Variants in TLN1 observed in about 807,000 individuals in gnomAD.
TLN1 encodes talin 1, also known as talin-1.
In TLN1, 56 loss-of-function variants were observed where a neutral mutation model predicts 292.3. The observed-to-expected ratio is 0.19, with a 90% CI of 0.15 to 0.24. The LOEUF (loss-of-function observed/expected upper bound fraction) is 0.24. TLN1 is among the 10% of genes least tolerant of loss of function. The pLI, the probability that TLN1 is intolerant of heterozygous loss-of-function variation, is 1.00. For synonymous variants in TLN1, 1,119 were observed against 1,253.7 expected (o/e 0.89, Z 2.27); for missense variants, 2,433 against 3,248.2 (o/e 0.75, Z 6.10).
Position 35,714,593 on chromosome 9 carries a change from G to T in TLN1, c.2966C>A (p.Ala989Asp). 1 of 1,611,650 alleles carries T rather than the reference G, an allele frequency of 6.2e-7. No homozygotes were observed. The change falls in exon 23 of 57, where the codon GCC (alanine) becomes GAC (aspartate). Residue 989 changes from alanine (A) to aspartate (D), a missense_variant. Ala to Asp is a moderately radical substitution (Grantham distance 126). Transcript: ENST00000314888. This position sits in a 1 kb window ranked among gnomAD's most constrained non-coding sequence, Gnocchi z 4.6. ...CCTTGCCTGCAGGAAGCTCTGGCTG[G>T]CAGCAATGAGGGCAAGCTGAGCGCT... is the stretch of plus-strand genomic sequence containing the variant. ...SPSAQLALIA[A>D]SQSFLQPGGK... is the part of the protein sequence containing the mutation.
chr9:35,722,774 G>A (rs577540875), intron 8 of TLN1, 87 bp downstream of exon 8: 2 of 1,376,026 alleles, frequency 1.5e-6, no homozygotes, highest in African/African-American at 1.4e-5. Context: ...AGGGGAGACG[G>A]GGAGGAGGCA....
At chr9:35,708,697 T>C (rs930032597) in intron 33 of TLN1, among the ~76,000 whole-genome samples, 22 of 152,216 alleles carry the variant, frequency 1.4e-4, no homozygotes, top group African/African-American at 5.1e-4. Flanking sequence ...ATTCAAGCAT[T>C]TCAGAAGATT....
chr9:35,700,331 C>A lies in TLN1; in HGVS notation c.6520G>T (p.Asp2174Tyr). The change falls in exon 49 of 57, where the codon GAC becomes TAC. Residue 2174 changes from aspartate to tyrosine, a missense_variant. Coordinates refer to ENST00000314888, the MANE Select transcript of TLN1 (RefSeq NM_006289.4). ...ATACCCTTGGTCATTCGGATGAAGT[C>A]TTCTGGGGTAGAGGTCTTGGCAGGT... is the stretch of plus-strand genomic sequence containing the variant. Reference protein sequence around the residue: ...EPPAKTSTPEDFIRMTKGITM... With the variant: ...EPPAKTSTPEYFIRMTKGITM... 2 of 1,610,534 alleles carry A rather than the reference C, an allele frequency of 1.2e-6. No homozygotes were observed. The highest frequency in any genetic ancestry group is 8.5e-7 in the Non-Finnish European group (1 of 1,176,990).
intron 33 of TLN1, among the ~76,000 whole-genome samples, chr9:35,709,880 C>CT (rs1825631199): frequency 2.4e-5 from 2 of 83,272 alleles, no homozygotes; most frequent in Non-Finnish European, 4.2e-5. Context: ...GAGCGAAACT[C>CT]GGTCTCAAAA....
intron 20 of TLN1, 92 bp downstream of exon 20, chr9:35,716,298 C>G (rs1825782136): frequency 4.2e-6 from 6 of 1,429,470 alleles, no homozygotes; most frequent in Non-Finnish European, 5.7e-6. Context: ...TCTGCTTTTC[C>G]TGGGTCTCCC....
intron 1 of TLN1, among the ~76,000 whole-genome samples, chr9:35,730,763 G>C (rs1826062732): frequency 6.6e-6 from 1 of 152,082 alleles, no homozygotes; most frequent in African/African-American, 2.4e-5. Flanking sequence ...TGCAGAGTCA[G>C]GGATGAGAGT....
In TLN1 at chr9:35,711,366, G is replaced by T; in HGVS notation, c.3908C>A (p.Ser1303Tyr). 1 of 1,614,180 alleles carries T rather than the reference G, an allele frequency of 6.2e-7. No individual in the cohort carries two copies. Among genetic ancestry groups the T allele is most frequent in the South Asian group, 1.1e-5 (1 of 91,086 alleles). Residue 1303 changes from serine (S) to tyrosine (Y), a missense_variant, in exon 30 of 57, where the codon TCC (serine) becomes TAC (tyrosine). Ser to Tyr is a moderately radical substitution (Grantham distance 144). This residue lies in a region of TLN1 where 1,384 missense variants were observed against 1,699.6 expected (regional missense o/e 0.81). Transcript: ENST00000314888. ...AGACATGGAGATGCCCTTCAAGTTG[G>T]ACACAACTTGGGCTCGGTCCTCCTG... ...PSQEDRAQVV[S>Y]NLKGISMSSS...
Position 35,703,831 on chromosome 9 carries a change from C to T in TLN1, c.6301G>A (p.Ala2101Thr). 2 of 1,614,260 alleles carry T rather than the reference C, an allele frequency of 1.2e-6. No individual in the cohort carries two copies. The highest frequency in any genetic ancestry group is 1.7e-6 in the Non-Finnish European group (2 of 1,180,046). ...LGDLISATKAAAGKVGDDPAV... is the reference protein window; with the variant it reads ...LGDLISATKATAGKVGDDPAV... ...GGGTCATCTCCAACTTTGCCAGCTG[C>T]AGCCTTCGTTGCACTGATGAGGTCT... Residue 2101 changes from alanine (A) to threonine (T), a missense_variant, in exon 47 of 57, where the codon GCA becomes ACA. Ala to Thr is a moderately conservative substitution (Grantham distance 58, BLOSUM62 0). Around this residue, in one of 7 missense-constraint regions of TLN1, gnomAD observed 1,384 missense variants for 1,699.6 expected, o/e 0.81. Transcript: ENST00000314888.
At chr9:35,729,949 G>GGAAGACAGGGTGTAGAAAAAGGATGA (rs1475982224) in intron 1 of TLN1, among the ~76,000 whole-genome samples, 309 of 94,104 alleles carry the variant, frequency 3.3e-3, no homozygotes, top group Admixed American at 4.1e-3. Flanking sequence ...CTGGGAATGG[G>GGAAGACAGGGTGTAGAAAAAGGATGA]GAAGACAGGG....
In TLN1 at chr9:35,698,983, TG is replaced by T. The variant is rs778345083; in HGVS notation, c.6999+48del. 2 of 1,609,624 alleles carry T rather than the reference TG, an allele frequency of 1.2e-6. No individual in the cohort carries two copies. Among genetic ancestry groups the T allele is most frequent in the African/African-American group, 2.7e-5 (2 of 74,932 alleles). ...AGAGATGTAAAGTCAGAGATGAAGG[TG>T]GGGACACTGCCATGGTGAGGGTGGA... On this transcript the variant is annotated intron_variant, in intron 52 of 56. Coordinates refer to ENST00000314888, the MANE Select transcript of TLN1 (RefSeq NM_006289.4). The surrounding 1 kb of genome is among the most constrained non-coding windows in gnomAD (Gnocchi z 5.3).
intron 34 of TLN1, 29 bp downstream of exon 34, chr9:35,708,312 C>T (rs373418292): frequency 6.6e-5 from 104 of 1,565,844 alleles, no homozygotes; most frequent in African/African-American, 8.2e-5. Flanking sequence ...TTCCCAGACT[C>T]GCCTGTGGTC....
Position 35,704,344 on chromosome 9 carries a change from A to C in TLN1, c.6035T>G (p.Phe2012Cys). Residue 2012 changes from phenylalanine (F) to cysteine (C), a missense_variant, in exon 45 of 57, where the codon TTC becomes TGC. Physicochemically the swap from Phe to Cys is radical, Grantham distance 205. Around this residue, in one of 7 missense-constraint regions of TLN1, gnomAD observed 1,384 missense variants for 1,699.6 expected, o/e 0.81. Coordinates refer to ENST00000314888, the MANE Select transcript of TLN1 (RefSeq NM_006289.4). The surrounding 1 kb of genome is among the most constrained non-coding windows in gnomAD (Gnocchi z 6.9). The stretch of plus-strand genomic sequence containing the variant: ...GTTCCTGTCTTACCGGTGGTCAGCG[A>C]AAGTTTCAGTACCCTCACGATTGAG... ...GTLNREGTET[F>C]ADHREGILKT... The C allele has an allele frequency of 1.2e-6, 2 of 1,613,508 alleles. No individual in the cohort carries two copies. The highest frequency in any genetic ancestry group is 1.7e-4 in the Middle Eastern group (1 of 6,060).
At position 35,706,813 on chromosome 9, in the gene TLN1, A is replaced by G; in HGVS notation, c.5043T>C (p.Ala1681=). Residue 1681 remains alanine (A), a synonymous_variant, in exon 38 of 57, where the codon GCT becomes GCC. Coordinates refer to ENST00000314888, the MANE Select transcript of TLN1 (RefSeq NM_006289.4). This position sits in a 1 kb window ranked among gnomAD's most constrained non-coding sequence, Gnocchi z 4.2. ...CLRDLDQASL[A]AVSQQLAPRE... ...GGGGAGCAAGCTGCTGGCTGACTGC[A>G]GCGAGGGAAGCCTGGTCTAGGTCCC... The G allele has an allele frequency of 1.9e-6, 3 of 1,614,042 alleles. No homozygotes were observed. The highest frequency in any genetic ancestry group is 2.2e-5 in the East Asian group (1 of 44,880).
In TLN1 at chr9:35,699,017, G is replaced by A. The variant is rs770228981; in HGVS notation, c.6999+15C>T. 10 of 1,608,290 alleles carry A rather than the reference G, an allele frequency of 6.2e-6. No homozygotes were observed. The highest frequency in any genetic ancestry group is 6.8e-6 in the Non-Finnish European group (8 of 1,175,292). On this transcript the variant is annotated intron_variant, in intron 52 of 56. Transcript: ENST00000314888. The surrounding 1 kb of genome is among the most constrained non-coding windows in gnomAD (Gnocchi z 4.0). ...TGCCATGGTGAGGGTGGAAGAGGAA[G>A]GGAGCAGGACTGACCTTGGGTTTGG...
rs1013000224 is a variant in TLN1, at chr9:35,699,827, G to C, written c.6768+147C>G. The C allele has an allele frequency of 1.9e-5, 20 of 1,070,382 alleles. No individual in the cohort carries two copies. The highest frequency in any genetic ancestry group is 8.2e-5 in the East Asian group (3 of 36,376). 66.3% of individuals were successfully genotyped at this position (1,070,382 alleles called of 1,614,324 possible). On this transcript the variant is annotated intron_variant, in intron 50 of 56. Coordinates refer to ENST00000314888, the MANE Select transcript of TLN1 (RefSeq NM_006289.4). This position sits in a 1 kb window ranked among gnomAD's most constrained non-coding sequence, Gnocchi z 4.0. ...AAGGATGGGGCCTGGGAGAAAGGGA[G>C]ACTTGGAAAGGAGAACAGATTTGGG...
At position 35,699,985 on chromosome 9, in the gene TLN1, G is replaced by A; in HGVS notation, c.6757C>T (p.His2253Tyr). The change falls in exon 50 of 57, where the codon CAT becomes TAT. Residue 2253 changes from histidine (H) to tyrosine (Y), a missense_variant. Transcript: ENST00000314888. This position sits in a 1 kb window ranked among gnomAD's most constrained non-coding sequence, Gnocchi z 4.0. ...ACGCCCTCCCTTACCAGCAGTACAT[G>A]GTCCAGCAGTTCCAGGTAGCCATTG... The part of the protein sequence containing the change: ...CANGYLELLD[H>Y]VLLTLQKPSP... 3.7e-6 allele frequency: 6 copies of A among 1,612,040 alleles called. No individual in the cohort carries two copies. Among genetic ancestry groups the A allele is most frequent in the Non-Finnish European group, 5.1e-6 (6 of 1,178,626 alleles).
chr9:35,719,035 A>G lies in TLN1; in HGVS notation c.1896+39T>C. On this transcript the variant is annotated intron_variant, in intron 16 of 56. Transcript: ENST00000314888. The surrounding 1 kb of genome is among the most constrained non-coding windows in gnomAD (Gnocchi z 4.6). ...GACTGCCCCTTCTCCTTGGGCTTGA[A>G]CCCTGTCTCCACCCTAACCCAAACC... The G allele has an allele frequency of 3.1e-6, 5 of 1,600,778 alleles. No individual in the cohort carries two copies. The highest frequency in any genetic ancestry group is 4.3e-6 in the Non-Finnish European group (5 of 1,171,616).
Position 35,707,355 on chromosome 9 carries a change from C to G in TLN1, c.4766G>C (p.Ser1589Thr). Reference protein sequence around the residue: ...PEFSSIPAQISPEGRAAMEPI... With the variant: ...PEFSSIPAQITPEGRAAMEPI... Reference sequence around the variant, plus strand: ...CCCTTCACATCGCCTCACCTCAGGGCTGATCTGGGCAGGAATGCTGGAGAA... The same window carrying G: ...CCCTTCACATCGCCTCACCTCAGGGGTGATCTGGGCAGGAATGCTGGAGAA... The change falls in exon 36 of 57, where the codon AGC (serine) becomes ACC (threonine). Residue 1589 changes from serine to threonine, a missense_variant. Physicochemically the swap from Ser to Thr is moderately conservative, Grantham distance 58. Transcript: ENST00000314888. This position sits in a 1 kb window ranked among gnomAD's most constrained non-coding sequence, Gnocchi z 5.6. 6.2e-7 allele frequency: 1 copy of G among 1,614,124 alleles called. No individual in the cohort carries two copies. The highest frequency in any genetic ancestry group is 8.5e-7 in the Non-Finnish European group (1 of 1,180,002).
chr9:35,705,483 A>G, intron 43 of TLN1, 68 bp downstream of exon 43: 2 of 1,479,918 alleles, frequency 1.4e-6, no homozygotes, highest in Non-Finnish European at 1.8e-6. Flanking sequence ...TGGGGGTGGG[A>G]CAGCCCTAGA....
Sources: allele counts gnomAD v4.1 joint callset (sites outside exome capture counted in the v4.1 genomes callset), GRCh38; gene constraint gnomAD v4.1.1; regional missense constraint gnomAD v4.1.1; non-coding constraint Gnocchi (gnomAD v3.1); transcripts MANE v1.5; gene names NCBI Gene and HGNC (gene_info 2026-07-23, HGNC 2026-07-21).